Variants in CARF observed in about 807,000 individuals in gnomAD.
CARF encodes calcium-responsive transcription factor.
A neutral mutation model predicts 82.0 loss-of-function variants in CARF; 57 were observed. That is an observed-to-expected ratio of 0.70 (90% CI 0.56 to 0.87). CARF has a LOEUF of 0.87. Among genes scored for constraint, CARF ranks in the 40% least tolerant of loss-of-function variants. CARF has a pLI of 0.00. For synonymous variants in CARF, 268 were observed against 290.1 expected (o/e 0.92, Z 0.77); for missense variants, 771 against 855.8 (o/e 0.90, Z 1.24).
chr2:202,951,265 C>T (rs1183666244), intron 5 of CARF, among the ~76,000 whole-genome samples: 1 of 152,154 alleles, frequency 6.6e-6, no homozygotes, highest in African/African-American at 2.4e-5. Context: ...CTCCTGGGTT[C>T]AAGTGATCCT....
intron 14 of CARF, among the ~76,000 whole-genome samples, chr2:202,980,875 G>C (rs764536439): frequency 1.1e-4 from 17 of 151,654 alleles, no homozygotes; most frequent in Non-Finnish European, 2.1e-4. Flanking sequence ...GATATGCTTA[G>C]ATTTTATGCA....
intron 1 of CARF, among the ~76,000 whole-genome samples, chr2:202,915,004 T>G (rs1212732167): frequency 6.6e-6 from 1 of 151,712 alleles, no homozygotes; most frequent in African/African-American, 2.4e-5. Flanking sequence ...GTGGTGGTGG[T>G]GTTTGTTGTT....
chr2:202,978,510 A>T (rs757264728), intron 14 of CARF, among the ~76,000 whole-genome samples: 1 of 152,226 alleles, frequency 6.6e-6, no homozygotes, highest in Non-Finnish European at 1.5e-5. Flanking sequence ...TTTCTCTGTA[A>T]GAGTGCTAAG....
chr2:202,921,726 T>C (rs1223496351), intron 2 of CARF, among the ~76,000 whole-genome samples: 1 of 152,242 alleles, frequency 6.6e-6, no homozygotes, highest in Non-Finnish European at 1.5e-5. Flanking sequence ...ATGTCAATAG[T>C]GATTTCTGTA....
chr2:202,982,653 AG>A (rs1281332868), intron 16 of CARF, among the ~76,000 whole-genome samples: 1 of 152,218 alleles, frequency 6.6e-6, no homozygotes, highest in African/African-American at 2.4e-5. Context: ...CTAATTATTT[AG>A]TACCGTAGAA....
At chr2:202,976,083 C>A (rs1050210530) in intron 13 of CARF, among the ~76,000 whole-genome samples, 45 of 152,058 alleles carry the variant, frequency 3.0e-4, no homozygotes, top group African/African-American at 7.7e-4. Flanking sequence ...ATCCATCCAT[C>A]CATACATACA....
chr2:202,968,707 A>T (rs1385339413), intron 10 of CARF, among the ~76,000 whole-genome samples: 1 of 152,172 alleles, frequency 6.6e-6, no homozygotes, highest in Non-Finnish European at 1.5e-5. Flanking sequence ...TGTGCCCAGA[A>T]ACTACATTGG....
At chr2:202,974,217 A>G in intron 12 of CARF, 117 bp from the exon 13 acceptor site, 1 of 623,232 alleles carries the variant, frequency 1.6e-6, no homozygotes, top group Non-Finnish European at 2.5e-6. Context: ...AATTACTTAC[A>G]GAGCTATAAA....
intron 9 of CARF, among the ~76,000 whole-genome samples, chr2:202,966,492 A>G (rs1347913567): frequency 7.9e-5 from 12 of 152,200 alleles, no homozygotes; most frequent in Admixed American, 7.9e-4. Context: ...CAGGCGGTTC[A>G]CTTGAGTTTA....
intron 2 of CARF, among the ~76,000 whole-genome samples, chr2:202,919,425 A>C (rs1462992564): frequency 6.6e-6 from 1 of 152,204 alleles, no homozygotes; most frequent in East Asian, 1.9e-4. Flanking sequence ...GAAACTGGGA[A>C]TATTTGGAAT....
intron 3 of CARF, among the ~76,000 whole-genome samples, chr2:202,933,375 C>A (rs1366946256): frequency 6.6e-6 from 1 of 152,100 alleles, no homozygotes; most frequent in East Asian, 1.9e-4. Flanking sequence ...ACTACAGTGC[C>A]TGGGACACAG....
At chr2:202,931,359 G>A (rs901277839) in intron 3 of CARF, among the ~76,000 whole-genome samples, 1 of 152,150 alleles carries the variant, frequency 6.6e-6, no homozygotes, top group Non-Finnish European at 1.5e-5. Context: ...TATGTTAATT[G>A]ACTGTTTATG....
chr2:202,947,976 A>T (rs534197246), intron 5 of CARF, among the ~76,000 whole-genome samples: 127 of 152,128 alleles, frequency 8.3e-4, no homozygotes, highest in Admixed American at 1.8e-3. Flanking sequence ...CCAGGTTTTT[A>T]TAGTTTTGGG....
At chr2:202,927,084 G>A (rs1691979315) in intron 3 of CARF, among the ~76,000 whole-genome samples, 3 of 152,158 alleles carry the variant, frequency 2.0e-5, no homozygotes, top group Admixed American at 6.5e-5. Flanking sequence ...CCAAAGTGCT[G>A]GGATTACAGG....
intron 3 of CARF, among the ~76,000 whole-genome samples, chr2:202,931,937 T>C (rs1278985244): frequency 1.3e-5 from 2 of 152,064 alleles, no homozygotes; most frequent in Admixed American, 1.3e-4. Flanking sequence ...TGAGACTGGG[T>C]GATTTATAAA....
chr2:202,938,660 T>TTTTTTTTTG (rs1491268077), intron 3 of CARF, among the ~76,000 whole-genome samples: 1 of 34,914 alleles, frequency 2.9e-5, no homozygotes, highest in Non-Finnish European at 1.2e-4. Context: ...GTTTTTTTTG[T>TTTTTTTTTG]TTTTTTTTTG....
chr2:202,914,641 T>C (rs1392513214), intron 1 of CARF, among the ~76,000 whole-genome samples: 3 of 151,800 alleles, frequency 2.0e-5, no homozygotes, highest in African/African-American at 7.3e-5. Flanking sequence ...TGGCCAGGCA[T>C]GGTGGGGGGT....
rs1559227527 is a variant in CARF at position 202,949,520 on chromosome 2, TTATTATTATTATTATTA to T, written c.307-3037_307-3021del. Among the ~76,000 whole-genome samples the T allele has an allele frequency of 1.6e-3, 148 of 89,962 alleles. 1 individual carries two copies. The highest frequency in any genetic ancestry group is 5.9e-3 in the African/African-American group (125 of 21,288). 59.0% of individuals were successfully genotyped at this position (89,962 alleles called of 152,430 possible). On this transcript the variant is annotated intron_variant, in intron 5 of 16. Transcript: ENST00000438828. ...AATATGACTTTTTGTTATTTATTTA[TTATTATTATTATTATTA>T]TTATTATTATTATTATTATTATTAT...
chr2:202,966,077 T>G (rs1051568683), intron 9 of CARF, among the ~76,000 whole-genome samples: 1 of 152,150 alleles, frequency 6.6e-6, no homozygotes, highest in African/African-American at 2.4e-5. Context: ...TGGCAGATGA[T>G]TACCTCCAGA....
Sources: allele counts gnomAD v4.1 joint callset (sites outside exome capture counted in the v4.1 genomes callset), GRCh38; gene constraint gnomAD v4.1.1; transcripts MANE v1.5; gene names NCBI Gene and HGNC (gene_info 2026-07-23, HGNC 2026-07-21).